The following CNTN4 variants were observed in gnomAD, a reference collection of about 807,000 sequenced individuals.
CNTN4 encodes contactin-4.
Under a neutral mutation model 122.5 loss-of-function variants are expected in CNTN4, and 77 were observed. The ratio of observed to expected loss-of-function variants is 0.63; its 90% CI spans 0.52 to 0.76. The LOEUF (loss-of-function observed/expected upper bound fraction) is 0.76. Ranked by LOEUF, CNTN4 falls within the 30% of genes least tolerant of loss-of-function variation. CNTN4 has a pLI of 0.00. For synonymous variants in CNTN4, 512 were observed against 447.0 expected (o/e 1.15, Z -1.83); for missense variants, 1,256 against 1,259.1 (o/e 1.00, Z 0.04).
chr3:2,381,109 C>T lies in CNTN4; in HGVS notation c.-89+41876C>T, dbSNP rs1268412910. ...CAACCTCTGCCTTCTGGGTTCCCGC[C>T]ATTCTCCTGCCTCAGCCTCCTGAGT... On this transcript the variant is annotated intron_variant, in intron 3 of 24. Coordinates refer to ENST00000418658, the MANE Select transcript of CNTN4 (RefSeq NM_175607.3). Among the ~76,000 whole-genome samples the T allele has an allele frequency of 3.3e-5, 5 of 152,016 alleles. No homozygotes were observed. In the East Asian group the frequency reaches 9.7e-4, roughly 30 times the overall value.
intron 2 of CNTN4, among the ~76,000 whole-genome samples, chr3:2,113,717 A>C (rs930227885): frequency 6.6e-6 from 1 of 152,230 alleles, no homozygotes; most frequent in Non-Finnish European, 1.5e-5. Context: ...ATTTTCAAAA[A>C]TATGGGTAGA....
chr3:3,053,953 A>G lies in CNTN4; in HGVS notation c.2958A>G (p.Gln986=). Residue 986 remains glutamine (Q), a synonymous_variant, in exon 24 of 25, where the codon CAA becomes CAG. Transcript: ENST00000418658. ...GAGGAGATGGCAGCAGCAGTGAACA[A>G]ATTCGAATTCCAAAGATATCAAGTG... ...SDGGDGSSSE[Q]IRIPKISNAY... 6.2e-7 allele frequency: 1 copy of G among 1,614,182 alleles called. No homozygotes were observed. The highest frequency in any genetic ancestry group is 8.5e-7 in the Non-Finnish European group (1 of 1,180,026).
At chr3:2,953,712 A>T (rs2094770145) in intron 13 of CNTN4, among the ~76,000 whole-genome samples, 1 of 152,134 alleles carries the variant, frequency 6.6e-6, no homozygotes, top group Non-Finnish European at 1.5e-5. Context: ...CCTAGGCAAA[A>T]ATGTCCTGAC....
chr3:2,101,609 A>T (rs992984989), intron 2 of CNTN4, among the ~76,000 whole-genome samples: 1 of 152,000 alleles, frequency 6.6e-6, no homozygotes. Flanking sequence ...AAGCCTAGTG[A>T]AGGAGGCAAG....
intron 3 of CNTN4, among the ~76,000 whole-genome samples, chr3:2,353,259 C>T (rs1288762627): frequency 1.3e-5 from 2 of 152,154 alleles, no homozygotes; most frequent in African/African-American, 4.8e-5. Flanking sequence ...CACTCTGTGT[C>T]TAGCTCAGGG....
chr3:2,593,997 G>A (rs1009336752), intron 4 of CNTN4, among the ~76,000 whole-genome samples: 21 of 152,120 alleles, frequency 1.4e-4, no homozygotes, highest in African/African-American at 4.8e-4. Context: ...CTCATTATTT[G>A]TGTATTCCAA....
At chr3:2,737,685 A>G (rs1159522709) in intron 5 of CNTN4, among the ~76,000 whole-genome samples, 2 of 152,258 alleles carry the variant, frequency 1.3e-5, no homozygotes, top group African/African-American at 2.4e-5. Context: ...ATAAACTACA[A>G]GTATGAATTG....
chr3:2,287,431 A>T (rs1188460032), intron 2 of CNTN4, among the ~76,000 whole-genome samples: 1 of 151,816 alleles, frequency 6.6e-6, no homozygotes, highest in South Asian at 2.1e-4. Flanking sequence ...GTGAGACCTC[A>T]TCTCTACAAA....
At chr3:2,287,676 GAAGAAGAAGAAGAAGAGGAAGAAGAAGAA>G (rs1559415549) in intron 2 of CNTN4, among the ~76,000 whole-genome samples, 25 of 92,126 alleles carry the variant, frequency 2.7e-4, no homozygotes, top group African/African-American at 8.3e-4. Flanking sequence ...AGAAGAAGAA[GAAGAAGAAGAAGAAGAGGAAGAAGAAGAA>G]GAAGAGGAAG....
rs916544876 is a variant in CNTN4 at position 3,053,388 on chromosome 3, T to C, written c.2812-419T>C. Reference sequence around the variant, plus strand: ...AGAAGACTGGGTATTATTGTCCCCCTTTTACAGATGACTGAAGTGAGGCTC... The same window carrying C: ...AGAAGACTGGGTATTATTGTCCCCCCTTTACAGATGACTGAAGTGAGGCTC... On this transcript the variant is annotated intron_variant, in intron 23 of 24. Coordinates refer to ENST00000418658, the MANE Select transcript of CNTN4 (RefSeq NM_175607.3). Among the ~76,000 whole-genome samples the C allele has an allele frequency of 2.0e-5, 3 of 152,176 alleles. No individual in the cohort carries two copies. In the East Asian group the frequency reaches 5.8e-4, roughly 29 times the overall value.
chr3:3,010,462 CATTA>C (rs1697114488), intron 14 of CNTN4, among the ~76,000 whole-genome samples: 1 of 74,538 alleles, frequency 1.3e-5, no homozygotes, highest in South Asian at 3.2e-4. Flanking sequence ...AGGCTTATGC[CATTA>C]AAAAAAAAAA....
intron 2 of CNTN4, among the ~76,000 whole-genome samples, chr3:2,101,954 G>T (rs2032002695): frequency 6.6e-6 from 1 of 151,968 alleles, no homozygotes; most frequent in Admixed American, 6.6e-5. Context: ...TGATACTCTA[G>T]CCAGTTGTAA....
intron 4 of CNTN4, among the ~76,000 whole-genome samples, chr3:2,607,786 A>G (rs746412434): frequency 3.3e-5 from 5 of 152,158 alleles, no homozygotes; most frequent in Non-Finnish European, 5.9e-5. Context: ...TTTTTAACCA[A>G]TCTGTACAAT....
chr3:2,218,057 A>G (rs940074112), intron 2 of CNTN4, among the ~76,000 whole-genome samples: 1 of 152,192 alleles, frequency 6.6e-6, no homozygotes, highest in Non-Finnish European at 1.5e-5. Flanking sequence ...TGAGAAAAAC[A>G]GGCACGTGAA....
intron 6 of CNTN4, among the ~76,000 whole-genome samples, chr3:2,765,105 A>T (rs2090786853): frequency 6.6e-6 from 1 of 152,202 alleles, no homozygotes; most frequent in African/African-American, 2.4e-5. Context: ...AAATACCCAG[A>T]CTCAATTTCT....
At chr3:2,351,858 A>G (rs1405514018) in intron 3 of CNTN4, among the ~76,000 whole-genome samples, 1 of 152,114 alleles carries the variant, frequency 6.6e-6, no homozygotes, top group Non-Finnish European at 1.5e-5. Flanking sequence ...CAAAAGGTAC[A>G]AAGTTTCATG....
chr3:2,173,744 A>G (rs747784619), intron 2 of CNTN4, among the ~76,000 whole-genome samples: 3 of 152,224 alleles, frequency 2.0e-5, no homozygotes, highest in Non-Finnish European at 2.9e-5. Flanking sequence ...AGAAATAATA[A>G]TAATAGTTTA....
At chr3:2,673,124 G>A (rs1352087917) in intron 4 of CNTN4, among the ~76,000 whole-genome samples, 1 of 152,172 alleles carries the variant, frequency 6.6e-6, no homozygotes, top group Non-Finnish European at 1.5e-5. Flanking sequence ...AGAATTCTTA[G>A]ATGGAAAATA....
chr3:2,170,204 C>G lies in CNTN4; in HGVS notation c.-145+69565C>G, dbSNP rs1217468680. Among the ~76,000 whole-genome samples, 3 of 151,564 alleles carry G rather than the reference C, an allele frequency of 2.0e-5. 1 individual carries two copies. The South Asian group carries it at 6.2e-4, about 31-fold the overall frequency. ...GGCGTGGTGGCGGCGCCTGTAGTCC[C>G]AGCTACTCGGGAGGCTGAGGCGGGA... On this transcript the variant is annotated intron_variant, in intron 2 of 24. Coordinates refer to ENST00000418658, the MANE Select transcript of CNTN4 (RefSeq NM_175607.3).
Sources: allele counts gnomAD v4.1 joint callset (sites outside exome capture counted in the v4.1 genomes callset), GRCh38; gene constraint gnomAD v4.1.1; transcripts MANE v1.5; gene names NCBI Gene and HGNC (gene_info 2026-07-23, HGNC 2026-07-21).